GRAP: variants seen among roughly 807,000 people sequenced by gnomAD.
GRAP encodes GRB2-related adapter protein.
Under a neutral mutation model 9.1 loss-of-function variants are expected in GRAP, and 2 were observed. The ratio of observed to expected loss-of-function variants is 0.22; its 90% CI spans 0.09 to 0.69. The LOEUF (loss-of-function observed/expected upper bound fraction) is 0.69. Among genes scored for constraint, GRAP ranks in the 30% least tolerant of loss-of-function variants. The pLI, the probability that GRAP is intolerant of heterozygous loss-of-function variation, is 0.81. For synonymous variants in GRAP, 68 were observed against 73.6 expected (o/e 0.92, Z 0.39); for missense variants, 113 against 179.4 (o/e 0.63, Z 2.12).
intron 3 of GRAP, chr17:19,031,487 G>C (rs2044336815): frequency 7.4e-6 from 1 of 135,772 alleles, no homozygotes; most frequent in South Asian, 2.7e-4. Flanking sequence ...TCTTCTCTAA[G>C]AGTGTTGGAT....
intron 3 of GRAP, among the ~76,000 whole-genome samples, chr17:19,025,194 C>CCT (rs2044304815): frequency 8.5e-6 from 1 of 117,528 alleles, no homozygotes; most frequent in Non-Finnish European, 1.8e-5. Flanking sequence ...CTTTTCTTTT[C>CCT]TTTTTTTTTT....
chr17:19,032,288 C>G (rs2044344566), intron 3 of GRAP: 1 of 145,232 alleles, frequency 6.9e-6, no homozygotes, highest in African/African-American at 2.4e-5. Flanking sequence ...GTCACTTCCT[C>G]CCTGGTGCCT....
Position 19,022,044 on chromosome 17 carries a change from C to T in GRAP, c.569G>A (p.Arg190His), listed in dbSNP as rs755441479. The T allele has an allele frequency of 1.9e-5, 31 of 1,596,586 alleles. No individual in the cohort carries two copies. The highest frequency in any genetic ancestry group is 4.0e-5 in the African/African-American group (3 of 74,418). ...RRGDIIEVLERPDPHWWRGRS... is the reference protein window; with the variant it reads ...RRGDIIEVLEHPDPHWWRGRS... ...GCCCCGCCACCAGTGGGGGTCTGGGCGCTCCAGGACCTCAATGATGTCGCC... is the reference window on the plus strand; with the variant it reads ...GCCCCGCCACCAGTGGGGGTCTGGGTGCTCCAGGACCTCAATGATGTCGCC... The change falls in exon 5 of 5, where the codon CGC becomes CAC. Residue 190 changes from arginine to histidine, a missense_variant. Arg to His is a conservative substitution (Grantham distance 29). This residue lies in a region of GRAP where 113 missense variants were observed against 163.3 expected (regional missense o/e 0.69). Coordinates refer to ENST00000284154, the MANE Select transcript of GRAP (RefSeq NM_006613.4).
rs760821883 is a variant in GRAP at position 19,022,028 on chromosome 17, C to T, written c.585G>A (p.Trp195Ter). The T allele has an allele frequency of 1.9e-6, 3 of 1,600,406 alleles. No individual in the cohort carries two copies. The highest frequency in any genetic ancestry group is 2.6e-6 in the Non-Finnish European group (3 of 1,174,090). Residue 195 changes from tryptophan to a stop codon, truncating the protein, a stop_gained, in exon 5 of 5, where the codon TGG (tryptophan) becomes TGA (stop). Coordinates refer to ENST00000284154, the MANE Select transcript of GRAP (RefSeq NM_006613.4). LOFTEE classifies it low-confidence loss of function (END_TRUNC). ...IEVLERPDPH[W>*]WRGRSCGRVG... ...CGCGCCCGCAGGACCGGCCCCGCCA[C>T]CAGTGGGGGTCTGGGCGCTCCAGGA...
intron 4 of GRAP, chr17:19,022,430 C>T (rs1448757453): frequency 5.6e-6 from 2 of 354,680 alleles, no homozygotes; most frequent in African/African-American, 4.2e-5. Flanking sequence ...AGTCCTGGTC[C>T]TTAGGGTGGG....
At chr17:19,049,011 GA>G (rs1046931554), upstream of GRAP, among the ~76,000 whole-genome samples, 1 of 144,444 alleles carries the variant, frequency 6.9e-6, no homozygotes. Flanking sequence ...GAGGGGTTGG[GA>G]TCGGCCCCCG....
At chr17:19,022,865 G>A (rs1171772706) in intron 4 of GRAP, among the ~76,000 whole-genome samples, 1 of 152,204 alleles carries the variant, frequency 6.6e-6, no homozygotes, top group Non-Finnish European at 1.5e-5. Flanking sequence ...AGGATCAGCA[G>A]AGAAGCTGTA....
intron 3 of GRAP, among the ~76,000 whole-genome samples, chr17:19,027,525 C>CACACACACACACACACA (rs71155385): frequency 7.0e-6 from 1 of 142,674 alleles, no homozygotes; most frequent in African/African-American, 2.6e-5. Flanking sequence ...CACACACACA[C>CACACACACACACACACA]CCCTACCTCT....
At chr17:19,023,721 C>G (rs528535543) in intron 4 of GRAP, among the ~76,000 whole-genome samples, 2 of 148,130 alleles carry the variant, frequency 1.4e-5, no homozygotes, top group African/African-American at 2.5e-5. Flanking sequence ...AACTCTTCCG[C>G]GAGCAGAAAC....
chr17:19,027,327 A>G (rs952712973), intron 3 of GRAP, among the ~76,000 whole-genome samples: 1 of 147,790 alleles, frequency 6.8e-6, no homozygotes, highest in Non-Finnish European at 1.5e-5. Flanking sequence ...CGGGTGAGGC[A>G]GGGTAGGGGC....
At chr17:19,048,588 C>A (rs1287455567), upstream of GRAP, among the ~76,000 whole-genome samples, 1 of 78,650 alleles carries the variant, frequency 1.3e-5, no homozygotes, top group Non-Finnish European at 2.0e-5. Flanking sequence ...TCTCCTTATC[C>A]TTTTGACATG....
chr17:19,021,948 C>A lies in GRAP; in HGVS notation c.*11G>T. On this transcript the variant is annotated 3_prime_UTR_variant, in exon 5 of 5. Transcript: ENST00000284154. This position sits in a 1 kb window ranked among gnomAD's most constrained non-coding sequence, Gnocchi z 4.1. ...AAAAAGGCCCGTTGGCCAGATCGGC[C>A]GCCGGGCTGCTCACAGGTGCACGGG... 1 of 1,504,592 alleles carries A rather than the reference C, an allele frequency of 6.6e-7. No homozygotes were observed. The highest frequency in any genetic ancestry group is 8.9e-7 in the Non-Finnish European group (1 of 1,127,702). 93.2% of individuals were successfully genotyped at this position (1,504,592 alleles called of 1,614,324 possible). A position where few individuals can be genotyped will look rare whatever the true frequency, so the allele number is the denominator to read the frequency against.
intron 3 of GRAP, among the ~76,000 whole-genome samples, chr17:19,027,945 G>C (rs992887037): frequency 7.0e-6 from 1 of 142,000 alleles, no homozygotes; most frequent in Non-Finnish European, 1.5e-5. Flanking sequence ...GCAATGGTGC[G>C]ATCTCGGTTC....
At chr17:19,048,202 C>A (rs1195525410), upstream of GRAP, among the ~76,000 whole-genome samples, 8 of 119,538 alleles carry the variant, frequency 6.7e-5, no homozygotes, top group Non-Finnish European at 1.2e-4. Context: ...TAAATCTCTA[C>A]CTTTCCTTAG....
At position 19,024,573 on chromosome 17, in the gene GRAP, T is replaced by G; in HGVS notation, c.300-190A>C. ...GGGTCTGGGGAGTCCCATCTGGCAGTGGAATATGGGGTTAATTTAAGGGTG... is the reference window on the plus strand; with the variant it reads ...GGGTCTGGGGAGTCCCATCTGGCAGGGGAATATGGGGTTAATTTAAGGGTG... On this transcript the variant is annotated intron_variant, in intron 3 of 4. Transcript: ENST00000284154. This position sits in a 1 kb window ranked among gnomAD's most constrained non-coding sequence, Gnocchi z 4.2. 1 of 503,540 alleles carries G rather than the reference T, an allele frequency of 2.0e-6. No individual in the cohort carries two copies. The highest frequency in any genetic ancestry group is 2.6e-6 in the Non-Finnish European group (1 of 389,446). The allele number at this position is 503,540 out of a possible 1,614,324, so 31.2% of individuals were successfully genotyped here. A position where few individuals can be genotyped will look rare whatever the true frequency, so the allele number is the denominator to read the frequency against.
At chr17:19,025,681 C>T (rs1168959085) in intron 3 of GRAP, among the ~76,000 whole-genome samples, 2 of 132,902 alleles carry the variant, frequency 1.5e-5, no homozygotes, top group Non-Finnish European at 3.1e-5. Context: ...GGCGCTATCT[C>T]GGCTCACTGC....
In GRAP at chr17:19,027,509, C is replaced by CAT. The variant is rs1490621361; in HGVS notation, c.300-3127_300-3126insAT. The stretch of plus-strand genomic sequence containing the variant: ...GCACACACACACACACACACACACA[C>CAT]ACACACACACACACACCCCTACCTC... On this transcript the variant is annotated intron_variant, in intron 3 of 4. Coordinates refer to ENST00000284154, the MANE Select transcript of GRAP (RefSeq NM_006613.4). Among the ~76,000 whole-genome samples the CAT allele has an allele frequency of 1.8e-4, 27 of 148,418 alleles. 1 individual carries two copies. The highest frequency in any genetic ancestry group is 6.4e-4 in the African/African-American group (26 of 40,430).
In GRAP at chr17:19,024,757, G is replaced by A. The variant is rs898679268; in HGVS notation, c.300-374C>T. On this transcript the variant is annotated intron_variant, in intron 3 of 4. Coordinates refer to ENST00000284154, the MANE Select transcript of GRAP (RefSeq NM_006613.4). The surrounding 1 kb of genome is among the most constrained non-coding windows in gnomAD (Gnocchi z 4.2). ...TGAAATGGGTACCTCTGAGTGTGTC[G>A]TGATCAGAGAGCATCTCCTTCACAT... Among the ~76,000 whole-genome samples the A allele has an allele frequency of 1.3e-5, 2 of 152,072 alleles. No homozygotes were observed. The highest frequency in any genetic ancestry group is 2.9e-5 in the Non-Finnish European group (2 of 68,030).
chr17:19,027,483 C>T (rs866744926), intron 3 of GRAP, among the ~76,000 whole-genome samples: 18 of 41,626 alleles, frequency 4.3e-4, no homozygotes, highest in African/African-American at 7.4e-4. Context: ...CGCGCGCGCG[C>T]GCACACACAC....
Sources: gnomAD v4.1 joint callset for allele counts (sites outside exome capture counted in the v4.1 genomes callset) on GRCh38, gnomAD v4.1.1 for gene constraint, gnomAD v4.1.1 regional missense constraint, Gnocchi (gnomAD v3.1) non-coding constraint, MANE v1.5 for transcripts, NCBI Gene and HGNC (gene_info 2026-07-23, HGNC 2026-07-21) for gene names.